VPS13D: variants seen among roughly 807,000 people sequenced by gnomAD.
The protein encoded by VPS13D is vacuolar protein sorting 13 homolog D.
In VPS13D, 187 loss-of-function variants were observed where a neutral mutation model predicts 461.9. The ratio of observed to expected loss-of-function variants is 0.40; its 90% CI spans 0.36 to 0.46. The LOEUF (loss-of-function observed/expected upper bound fraction) is 0.46. Ranked by LOEUF, VPS13D falls within the 20% of genes least tolerant of loss-of-function variation. The pLI is 0.60. For synonymous variants in VPS13D, 1,951 were observed against 1,986.3 expected, an observed-to-expected ratio of 0.98 and a Z score of 0.47; for missense variants, 4,711 against 5,364.9, an observed-to-expected ratio of 0.88 and a Z score of 3.81.
At chr1:12,418,098 G>A (rs1644818267) in intron 65 of VPS13D, among the ~76,000 whole-genome samples, 2 of 152,038 alleles carry the variant, frequency 1.3e-5, no homozygotes, top group Non-Finnish European at 2.9e-5. Context: ...TAGTAGAGAC[G>A]GAGTTTTGCC....
chr1:12,242,351 A>G (rs1321556193), intron 2 of VPS13D, among the ~76,000 whole-genome samples, 162 bp from the exon 3 acceptor site: 5 of 152,194 alleles, frequency 3.3e-5, no homozygotes, highest in Non-Finnish European at 7.3e-5. Context: ...TAACCTACAC[A>G]TGATGTAGCC....
intron 12 of VPS13D, 123 bp from the exon 13 acceptor site, chr1:12,261,777 AG>A: frequency 1.2e-6 from 1 of 823,930 alleles, no homozygotes; most frequent in Admixed American, 2.6e-5. Flanking sequence ...ATGACTTTGG[AG>A]TTCTTTCTTA....
Position 12,383,132 on chromosome 1 carries a change from G to A in VPS13D, c.11347G>A (p.Asp3783Asn). ...AATGTTATCCATCAGAGTCATCCCA[G>A]ATGGACCAACTAGAGCACTCCAGGT... ...SGMLSIRVIP[D>N]GPTRALQITD... The change falls in exon 58 of 70, where the codon GAT (aspartate) becomes AAT (asparagine). Residue 3783 changes from aspartate to asparagine, a missense_variant. Around this residue, in one of 3 missense-constraint regions of VPS13D, gnomAD observed 4,411 missense variants for 4,937.8 expected, o/e 0.89. Transcript: ENST00000620676. 1 of 1,613,970 alleles carries A rather than the reference G, an allele frequency of 6.2e-7. No homozygotes were observed. The highest frequency in any genetic ancestry group is 1.1e-5 in the South Asian group (1 of 91,040).
intron 7 of VPS13D, among the ~76,000 whole-genome samples, chr1:12,255,221 C>G (rs1640879308): frequency 6.6e-6 from 1 of 152,208 alleles, no homozygotes; most frequent in Non-Finnish European, 1.5e-5. Context: ...GCTGGGATTA[C>G]AGGCGTGAGT....
intron 65 of VPS13D, among the ~76,000 whole-genome samples, chr1:12,433,556 GAC>G (rs1194751553): frequency 6.6e-6 from 1 of 152,246 alleles, no homozygotes; most frequent in Non-Finnish European, 1.5e-5. Context: ...ACCCGCCAGT[GAC>G]TCTGCAGCTG....
intron 65 of VPS13D, among the ~76,000 whole-genome samples, chr1:12,435,328 G>A (rs1645045830): frequency 6.6e-6 from 1 of 152,038 alleles, no homozygotes; most frequent in Admixed American, 6.6e-5. Flanking sequence ...GGGCGTGGTG[G>A]CACCCGCCTG....
intron 67 of VPS13D, among the ~76,000 whole-genome samples, chr1:12,476,821 G>A (rs191209921): frequency 2.6e-4 from 39 of 152,312 alleles, no homozygotes; most frequent in African/African-American, 8.9e-4. Context: ...ACCAAAAGGG[G>A]CTTTAAATTA....
At chr1:12,387,459 G>T (rs1184331232) in intron 60 of VPS13D, among the ~76,000 whole-genome samples, 7 of 152,182 alleles carry the variant, frequency 4.6e-5, no homozygotes, top group Non-Finnish European at 1.0e-4. Flanking sequence ...GAGACTAATT[G>T]GTCAAAACTG....
rs1643886952 is a variant in VPS13D, at chr1:12,356,492, A to G, written c.9966A>G (p.Leu3322=). The G allele has an allele frequency of 6.2e-7, 1 of 1,614,104 alleles. No homozygotes were observed. The highest frequency in any genetic ancestry group is 2.2e-5 in the East Asian group (1 of 44,888). Residue 3322 remains leucine, a synonymous_variant, in exon 49 of 70, where the codon TTA becomes TTG. Transcript: ENST00000620676. The part of the protein sequence containing the change: ...HELARSLSPL[L]FCYADKEQPN... ...TGGCCCGTAGCCTGAGTCCTCTCTT[A>G]TTCTGCTATGCTGACAAAGAGCAGC...
rs1177463520 is a variant in VPS13D at position 12,341,810 on chromosome 1, C to T, written c.8657C>T (p.Pro2886Leu). ...AEVKTPKRRQ[P>L]FVPFALRNHT... ...GTGAAAACCCCCAAGCGCCGGCAGC[C>T]ATTTGTCCCCTTTGCTCTGAGGAAC... Residue 2886 changes from proline to leucine, a missense_variant, in exon 41 of 70, where the codon CCA becomes CTA. By Grantham distance (98) the Pro-to-Leu change is moderately conservative (BLOSUM62 -3). Transcript: ENST00000620676. The T allele has an allele frequency of 1.2e-5, 20 of 1,613,872 alleles. No homozygotes were observed. The highest frequency in any genetic ancestry group is 1.7e-5 in the Non-Finnish European group (20 of 1,180,000).
At chr1:12,470,382 A>C (rs1645546841) in intron 67 of VPS13D, among the ~76,000 whole-genome samples, 1 of 152,178 alleles carries the variant, frequency 6.6e-6, no homozygotes, top group Non-Finnish European at 1.5e-5. Flanking sequence ...CCACCTCCTG[A>C]GGTGTTAGAG....
At chr1:12,328,800 A>G (rs1417266208) in intron 36 of VPS13D, among the ~76,000 whole-genome samples, 1 of 152,176 alleles carries the variant, frequency 6.6e-6, no homozygotes, top group East Asian at 1.9e-4. Context: ...CAGCCTCCCA[A>G]AGTGCTGGGA....
intron 68 of VPS13D, among the ~76,000 whole-genome samples, chr1:12,500,991 CTGCAGTGAGCTGAGA>C: frequency 6.6e-6 from 1 of 151,900 alleles, no homozygotes; most frequent in Non-Finnish European, 1.5e-5. Context: ...GAGGTCAAGG[CTGCAGTGAGCTGAGA>C]TCACGCCACT....
intron 24 of VPS13D, among the ~76,000 whole-genome samples, chr1:12,296,691 ATTGATTC>A (rs1183122026): frequency 8.5e-5 from 13 of 152,132 alleles, no homozygotes; most frequent in Non-Finnish European, 2.9e-5. Context: ...TGTTTACAGT[ATTGATTC>A]CTACAAATGG....
At chr1:12,471,728 C>A (rs549621629) in intron 67 of VPS13D, among the ~76,000 whole-genome samples, 2 of 152,150 alleles carry the variant, frequency 1.3e-5, no homozygotes, top group African/African-American at 4.8e-5. Context: ...TGAAGCCCCC[C>A]ACCCAGGTCA....
At chr1:12,506,357 A>C (rs1049281457) in intron 68 of VPS13D, among the ~76,000 whole-genome samples, 1 of 152,178 alleles carries the variant, frequency 6.6e-6, no homozygotes, top group African/African-American at 2.4e-5. Flanking sequence ...CTGAACATGA[A>C]GTGGATGGGG....
At position 12,304,497 on chromosome 1, in the gene VPS13D, C is replaced by G; in HGVS notation, c.6217-9C>G. 1 of 1,608,768 alleles carries G rather than the reference C, an allele frequency of 6.2e-7. No homozygotes were observed. The highest frequency in any genetic ancestry group is 8.5e-7 in the Non-Finnish European group (1 of 1,177,446). ...TCCTGCATTCTAGTTTTATTTTGTT[C>G]CTTCCCAGGAATCTGTGCCTTCAGC... On this transcript the variant is annotated splice_polypyrimidine_tract_variant and intron_variant, in intron 25 of 69. Coordinates refer to ENST00000620676, the MANE Select transcript of VPS13D (RefSeq NM_015378.4).
At chr1:12,232,614 CT>C (rs1355727564) in intron 1 of VPS13D, among the ~76,000 whole-genome samples, 1 of 116,664 alleles carries the variant, frequency 8.6e-6, no homozygotes, top group African/African-American at 3.3e-5. Flanking sequence ...CTCATGTTGA[CT>C]TTTTGTAATA....
intron 50 of VPS13D, among the ~76,000 whole-genome samples, chr1:12,359,154 G>A (rs1224817627): frequency 6.6e-6 from 1 of 152,124 alleles, no homozygotes; most frequent in Non-Finnish European, 1.5e-5. Context: ...TGGGAAGGGT[G>A]GAAAGGGGAG....
Sources: allele counts gnomAD v4.1 joint callset (sites outside exome capture counted in the v4.1 genomes callset), GRCh38; gene constraint gnomAD v4.1.1; regional missense constraint gnomAD v4.1.1; transcripts MANE v1.5; gene names NCBI Gene and HGNC (gene_info 2026-07-23, HGNC 2026-07-21).